FRK: variants seen among roughly 807,000 people sequenced by gnomAD.
FRK encodes fyn related Src family tyrosine kinase.
Under a neutral mutation model 56.4 loss-of-function variants are expected in FRK, and 51 were observed. The ratio of observed to expected loss-of-function variants is 0.90; its 90% CI spans 0.72 to 1.14. The LOEUF (loss-of-function observed/expected upper bound fraction) is 1.14, where lower values mean the gene tolerates loss of function less well. FRK is among the 50% of genes most tolerant of loss of function. The pLI, the probability that FRK is intolerant of heterozygous loss-of-function variation, is 0.00. For synonymous variants in FRK, 245 were observed against 217.9 expected (o/e 1.12, Z -1.10); for missense variants, 570 against 601.4 (o/e 0.95, Z 0.55).
chr6:116,080,798 A>T, the FRK span, among the ~76,000 whole-genome samples: 2 of 152,360 alleles, frequency 1.3e-5, no homozygotes, highest in East Asian at 3.9e-4. Flanking sequence ...AATTAACACT[A>T]CAATGAGATC....
At position 116,000,223 on chromosome 6, in the gene FRK, C is replaced by CTTTTTT. The variant is rs561273499; in HGVS notation, c.466+3648_466+3653dup. On this transcript the variant is annotated intron_variant, in intron 2 of 7. Coordinates refer to ENST00000606080, the MANE Select transcript of FRK (RefSeq NM_002031.3). ...TTTCCTCATGAAAATATCATTCTTT[C>CTTTTTT]TTTTTTTTTTTTTTTTTTTTTTTTT... Among the ~76,000 whole-genome samples the CTTTTTT allele has an allele frequency of 5.9e-3, 312 of 53,076 alleles. 55 individuals carry two copies. Among genetic ancestry groups the CTTTTTT allele is most frequent in the African/African-American group, 0.011 (125 of 11,102 alleles). 34.8% of individuals were successfully genotyped at this position (53,076 alleles called of 152,430 possible).
rs569660564 is a variant in FRK at position 115,990,517 on chromosome 6, T to C, written c.466+13360A>G. Among the ~76,000 whole-genome samples the C allele has an allele frequency of 3.3e-5, 5 of 151,926 alleles. No individual in the cohort carries two copies. The South Asian group carries it at 1.0e-3, about 32-fold the overall frequency. On this transcript the variant is annotated intron_variant, in intron 2 of 7. Transcript: ENST00000606080. ...GCTACACAATTTTCCCAGCACAATA[T>C]ATTGCATAGGGTGTCCTTTCGTTAT...
the FRK span, among the ~76,000 whole-genome samples, chr6:116,084,983 G>C: frequency 6.6e-6 from 1 of 152,242 alleles, no homozygotes; most frequent in East Asian, 1.9e-4. Flanking sequence ...GGATTGTTGG[G>C]GTAGGATACT....
chr6:116,051,300 T>C (rs1054684391), intron 1 of FRK, among the ~76,000 whole-genome samples: 7 of 152,274 alleles, frequency 4.6e-5, no homozygotes, highest in African/African-American at 1.7e-4. Context: ...AGTCTGAATT[T>C]AAAGGCACTA....
intron 2 of FRK, among the ~76,000 whole-genome samples, chr6:115,979,230 T>C (rs1172836022): frequency 6.6e-6 from 1 of 152,022 alleles, no homozygotes; most frequent in Middle Eastern, 3.2e-3. Flanking sequence ...GACCTTCCAG[T>C]AGAACAAGGT....
chr6:116,095,030 TTGTCAGTGTA>T, the FRK span, among the ~76,000 whole-genome samples: 1 of 152,270 alleles, frequency 6.6e-6, no homozygotes, highest in African/African-American at 2.4e-5. Flanking sequence ...TACTACCTTG[TTGTCAGTGTA>T]AACAAGGGCA....
intron 2 of FRK, among the ~76,000 whole-genome samples, chr6:115,990,354 G>T (rs1774550069): frequency 6.6e-6 from 1 of 151,782 alleles, no homozygotes; most frequent in Non-Finnish European, 1.5e-5. Flanking sequence ...ATTTGCCTAG[G>T]TCAATGTCTG....
chr6:116,064,916 C>T (rs1337444268), upstream of FRK, among the ~76,000 whole-genome samples: 1 of 152,172 alleles, frequency 6.6e-6, no homozygotes, highest in Non-Finnish European at 1.5e-5. Context: ...CTCCCATATG[C>T]CTCATCTGTT....
chr6:116,059,760 A>G (rs970789969), intron 1 of FRK, among the ~76,000 whole-genome samples: 4 of 152,198 alleles, frequency 2.6e-5, no homozygotes, highest in African/African-American at 9.6e-5. Flanking sequence ...ACATACTGTA[A>G]TTGAAGTCAT....
the FRK span, among the ~76,000 whole-genome samples, chr6:116,093,945 C>G: frequency 1.9e-4 from 29 of 152,098 alleles, no homozygotes; most frequent in Non-Finnish European, 8.8e-5. Context: ...ACCTGGCAAC[C>G]TCAGTGTTCT....
chr6:116,072,980 G>T, the FRK span, among the ~76,000 whole-genome samples: 2 of 152,130 alleles, frequency 1.3e-5, no homozygotes, highest in African/African-American at 4.8e-5. Context: ...GAGGAAGTTT[G>T]TTATGTAATT....
chr6:115,972,637 A>G (rs909016597), intron 2 of FRK, among the ~76,000 whole-genome samples: 8 of 152,148 alleles, frequency 5.3e-5, no homozygotes, highest in African/African-American at 7.2e-5. Context: ...TCTTTGACCA[A>G]TTCCTTTGTC....
the FRK span, among the ~76,000 whole-genome samples, chr6:116,071,832 T>C: frequency 2.0e-5 from 3 of 152,142 alleles, no homozygotes; most frequent in Non-Finnish European, 4.4e-5. Flanking sequence ...GTCTCTCACA[T>C]TGCAAACAAA....
intron 1 of FRK, among the ~76,000 whole-genome samples, chr6:116,056,345 C>T (rs1471390332): frequency 1.3e-5 from 2 of 151,870 alleles, no homozygotes; most frequent in Admixed American, 6.6e-5. Context: ...CTCACTCTCT[C>T]GAGTAGCTGG....
chr6:116,038,199 G>T (rs1311802993), intron 1 of FRK, among the ~76,000 whole-genome samples: 1 of 152,130 alleles, frequency 6.6e-6, no homozygotes, highest in African/African-American at 2.4e-5. Context: ...GTCATGTTTG[G>T]TTTACAATGA....
intron 2 of FRK, among the ~76,000 whole-genome samples, chr6:115,984,929 T>A (rs1774336290): frequency 6.6e-6 from 1 of 152,130 alleles, no homozygotes; most frequent in African/African-American, 2.4e-5. Context: ...CATTTTTCTA[T>A]CACAATTCAA....
chr6:116,015,926 A>G (rs1398005238), intron 1 of FRK, among the ~76,000 whole-genome samples: 1 of 152,216 alleles, frequency 6.6e-6, no homozygotes, highest in African/African-American at 2.4e-5. Context: ...TGAAACTGGA[A>G]CTTTTATTTA....
chr6:116,061,860 G>C (rs938202082), upstream of FRK, among the ~76,000 whole-genome samples: 3 of 151,694 alleles, frequency 2.0e-5, no homozygotes, highest in East Asian at 1.9e-4. Flanking sequence ...CCTATTCCTA[G>C]TACAAGCTCA....
rs1772212979 is a variant in FRK at position 115,942,217 on chromosome 6, C to T, written c.*197G>A. 2.0e-6 allele frequency: 1 copy of T among 511,480 alleles called. No homozygotes were observed. Among genetic ancestry groups the T allele is most frequent in the Non-Finnish European group, 3.5e-6 (1 of 286,012 alleles). The allele number at this position is 511,480 out of a possible 1,614,324, so 31.7% of individuals were successfully genotyped here. A position where few individuals can be genotyped will look rare whatever the true frequency, so the allele number is the denominator to read the frequency against. The stretch of plus-strand genomic sequence containing the variant: ...ACCAGGCAGTGAGGAAATTATATAT[C>T]ACCTTGACTGTCCTGCAGTGTTGCC... On this transcript the variant is annotated 3_prime_UTR_variant, in exon 8 of 8. Transcript: ENST00000606080.
Sources: gnomAD v4.1 joint callset for allele counts (sites outside exome capture counted in the v4.1 genomes callset) on GRCh38, gnomAD v4.1.1 for gene constraint, MANE v1.5 for transcripts, NCBI Gene and HGNC (gene_info 2026-07-23, HGNC 2026-07-21) for gene names.